The following SLC17A7 variants were observed in gnomAD, a reference collection of about 807,000 sequenced individuals.
SLC17A7 encodes the protein solute carrier family 17 member 7.
A neutral mutation model predicts 59.1 loss-of-function variants in SLC17A7; 15 were observed. The ratio of observed to expected loss-of-function variants is 0.25; its 90% CI spans 0.17 to 0.39. The LOEUF is 0.39. Ranked by LOEUF, SLC17A7 falls within the 10% of genes least tolerant of loss-of-function variation. The pLI is 1.00. For missense variants in SLC17A7, 499 were observed against 765.1 expected, an observed-to-expected ratio of 0.65 and a Z score of 4.10; for synonymous variants, 353 against 308.9, an observed-to-expected ratio of 1.14 and a Z score of -1.50.
At position 49,431,315 on chromosome 19, in the gene SLC17A7, A is replaced by T; in HGVS notation, c.1261+23T>A. 1 of 1,611,864 alleles carries T rather than the reference A, an allele frequency of 6.2e-7. No homozygotes were observed. The highest frequency in any genetic ancestry group is 8.5e-7 in the Non-Finnish European group (1 of 1,178,366). ...CTACAGAGCTGACCAGAGTCCCCCA[A>T]GCTGCGGATCCGCGGTTCTCACCAG... On this transcript the variant is annotated intron_variant, in intron 10 of 11. Transcript: ENST00000221485. This position sits in a 1 kb window ranked among gnomAD's most constrained non-coding sequence, Gnocchi z 4.6.
chr19:49,432,264 C>G (rs3745311), intron 9 of SLC17A7, among the ~76,000 whole-genome samples: 7,010 of 152,314 alleles, frequency 0.046, 430 homozygotes, highest in East Asian at 0.13. Context: ...ACTCGGTCTT[C>G]TCTCTGCTCC....
intron 5 of SLC17A7, 114 bp downstream of exon 5, chr19:49,434,488 C>T: frequency 9.7e-7 from 1 of 1,032,058 alleles, no homozygotes; most frequent in Non-Finnish European, 1.4e-6. Flanking sequence ...TCTCCTCCTC[C>T]TCCCTCAGAC....
intron 3 of SLC17A7, 49 bp from the exon 4 acceptor site, chr19:49,434,931 G>A (rs776469930): frequency 3.2e-6 from 5 of 1,564,904 alleles, no homozygotes; most frequent in East Asian, 4.6e-5. Context: ...AGCCATGCCC[G>A]GGATTCTGCC....
intron 3 of SLC17A7, 97 bp downstream of exon 3, chr19:49,435,071 C>T: frequency 2.8e-6 from 3 of 1,081,578 alleles, no homozygotes; most frequent in South Asian, 2.7e-5. Context: ...CAGGCTTCTC[C>T]CATTTACCAG....
At position 49,429,855 on chromosome 19, in the gene SLC17A7, G is replaced by A. The variant is rs547456803; in HGVS notation, c.*664C>T. The A allele has an allele frequency of 2.5e-5, 8 of 320,548 alleles. No individual in the cohort carries two copies. Among genetic ancestry groups the A allele is most frequent in the African/African-American group, 1.7e-4 (8 of 47,296 alleles). 19.9% of individuals were successfully genotyped at this position (320,548 alleles called of 1,614,324 possible). A position where few individuals can be genotyped will look rare whatever the true frequency, so the allele number is the denominator to read the frequency against. On this transcript the variant is annotated 3_prime_UTR_variant, in exon 12 of 12. Coordinates refer to ENST00000221485, the MANE Select transcript of SLC17A7 (RefSeq NM_020309.4). ...GCATATTGTTAAAATTGCGATTTTG[G>A]TTGTTTCCCCAGACATTATGCTAAG...
At position 49,430,740 on chromosome 19, in the gene SLC17A7, C is replaced by A. The variant is rs779414202; in HGVS notation, c.1462G>T (p.Val488Phe). 1.2e-6 allele frequency: 2 copies of A among 1,614,078 alleles called. No individual in the cohort carries two copies. The highest frequency in any genetic ancestry group is 1.7e-6 in the Non-Finnish European group (2 of 1,179,988). Reference sequence around the variant, plus strand: ...GGCTGCTTCTCTCCAGAAGCAAAGACCCCGTAGAAGATGACACCTCCATAG... The same window carrying A: ...GGCTGCTTCTCTCCAGAAGCAAAGAACCCGTAGAAGATGACACCTCCATAG... ...VHYGGVIFYG[V>F]FASGEKQPWA... The change falls in exon 12 of 12, where the codon GTC (valine) becomes TTC (phenylalanine). Residue 488 changes from valine (V) to phenylalanine (F), a missense_variant. Physicochemically the swap from Val to Phe is conservative, Grantham distance 50. This residue lies in a region of SLC17A7 where 323 missense variants were observed against 607.2 expected (regional missense o/e 0.53). Transcript: ENST00000221485.
chr19:49,433,562 C>T lies in SLC17A7; in HGVS notation c.867+164G>A. The T allele has an allele frequency of 1.1e-6, 1 of 933,420 alleles. No individual in the cohort carries two copies. Among genetic ancestry groups the T allele is most frequent in the Non-Finnish European group, 1.7e-6 (1 of 592,866 alleles). 57.8% of individuals were successfully genotyped at this position (933,420 alleles called of 1,614,324 possible). ...CCCTGCCCCCAGCACCTGAGAATCT[C>T]GTCCTCCGCGGGTTGCAACCCGCCT... On this transcript the variant is annotated intron_variant, in intron 7 of 11. Coordinates refer to ENST00000221485, the MANE Select transcript of SLC17A7 (RefSeq NM_020309.4). The surrounding 1 kb of genome is among the most constrained non-coding windows in gnomAD (Gnocchi z 5.7).
intron 5 of SLC17A7, 121 bp downstream of exon 5, chr19:49,434,481 C>T: frequency 1.1e-6 from 1 of 949,068 alleles, no homozygotes; most frequent in Non-Finnish European, 1.5e-6. Flanking sequence ...TCCAGAGTCT[C>T]CTCCTCCTCC....
intron 3 of SLC17A7, 77 bp from the exon 4 acceptor site, chr19:49,434,959 G>A: frequency 7.0e-6 from 10 of 1,428,726 alleles, no homozygotes; most frequent in Non-Finnish European, 7.9e-6. Flanking sequence ...CCCACAGCAA[G>A]CTAGGCCCAG....
In SLC17A7 at chr19:49,431,087, G is replaced by A; in HGVS notation, c.1317C>T (p.Gly439=). The change falls in exon 11 of 12, where the codon GGC becomes GGT. Residue 439 remains glycine, a synonymous_variant. Coordinates refer to ENST00000221485, the MANE Select transcript of SLC17A7 (RefSeq NM_020309.4). The surrounding 1 kb of genome is among the most constrained non-coding windows in gnomAD (Gnocchi z 4.6). The part of the protein sequence containing the change: ...IAPRYASILM[G]ISNGVGTLSG... Reference sequence around the variant, plus strand: ...ACAGTGTGCCCACGCCGTTGGAGATGCCCATGAGGATGCTGGCGTAGCGCG... The same window carrying A: ...ACAGTGTGCCCACGCCGTTGGAGATACCCATGAGGATGCTGGCGTAGCGCG... 4.3e-6 allele frequency: 7 copies of A among 1,613,996 alleles called. No homozygotes were observed. Among genetic ancestry groups the A allele is most frequent in the Non-Finnish European group, 5.9e-6 (7 of 1,180,032 alleles).
At position 49,432,720 on chromosome 19, in the gene SLC17A7, G is replaced by A. The variant is rs548390425; in HGVS notation, c.1018-69C>T. Reference sequence around the variant, plus strand: ...GGCTCGGCGTCTCTGCCCGGTCCGTGCACCACCGGCTCCTCCCTGCCTCGG... The same window carrying A: ...GGCTCGGCGTCTCTGCCCGGTCCGTACACCACCGGCTCCTCCCTGCCTCGG... On this transcript the variant is annotated intron_variant, in intron 8 of 11. Coordinates refer to ENST00000221485, the MANE Select transcript of SLC17A7 (RefSeq NM_020309.4). 3.7e-5 allele frequency: 60 copies of A among 1,605,336 alleles called. No individual in the cohort carries two copies. In the African/African-American group the frequency reaches 7.5e-4, roughly 20 times the overall value.
chr19:49,431,563 G>A lies in SLC17A7; in HGVS notation c.1151-115C>T. ...CCCCAAACCGCGTCTATCCACCCCAGTCTGGCCACCTCCACGCCCAGGCCT... is the reference window on the plus strand; with the variant it reads ...CCCCAAACCGCGTCTATCCACCCCAATCTGGCCACCTCCACGCCCAGGCCT... On this transcript the variant is annotated intron_variant, in intron 9 of 11. Transcript: ENST00000221485. The surrounding 1 kb of genome is among the most constrained non-coding windows in gnomAD (Gnocchi z 4.6). 1 of 817,274 alleles carries A rather than the reference G, an allele frequency of 1.2e-6. No individual in the cohort carries two copies. The highest frequency in any genetic ancestry group is 1.9e-6 in the Non-Finnish European group (1 of 513,484). 50.6% of individuals were successfully genotyped at this position (817,274 alleles called of 1,614,324 possible).
Position 49,439,148 on chromosome 19 carries a change from T to C in SLC17A7, c.62+2170A>G, listed in dbSNP as rs146652336. ...ACACTTAGGAGGCCATTACCCCAAA[T>C]TGAGATGTCTCAACTTCTCTGTCTC... is the stretch of plus-strand genomic sequence containing the variant. On this transcript the variant is annotated intron_variant, in intron 1 of 11. Transcript: ENST00000221485. Among the ~76,000 whole-genome samples the C allele has an allele frequency of 2.2e-3, 333 of 152,210 alleles. 3 individuals carry two copies. The highest frequency in any genetic ancestry group is 7.4e-3 in the African/African-American group (307 of 41,516).
intron 5 of SLC17A7, 139 bp downstream of exon 5, chr19:49,434,462 GA>G: frequency 1.3e-6 from 1 of 778,472 alleles, no homozygotes; most frequent in Non-Finnish European, 2.0e-6. Context: ...TCAGACCTGG[GA>G]GTCCAGGTCC....
rs1204109029 is a variant in SLC17A7 at position 49,436,515 on chromosome 19, G to T, written c.315+34C>A. The T allele has an allele frequency of 6.2e-7, 1 of 1,601,348 alleles. No homozygotes were observed. Among genetic ancestry groups the T allele is most frequent in the Non-Finnish European group, 8.5e-7 (1 of 1,175,282 alleles). On this transcript the variant is annotated intron_variant, in intron 2 of 11. Coordinates refer to ENST00000221485, the MANE Select transcript of SLC17A7 (RefSeq NM_020309.4). The surrounding 1 kb of genome is among the most constrained non-coding windows in gnomAD (Gnocchi z 4.1). ...GCGTAGGCGGAGCTCGGTGAGCGGG[G>T]CGGGGCTCTGCAAGGGCTCAGGCCT...
chr19:49,433,687 A>T lies in SLC17A7; in HGVS notation c.867+39T>A. 1 of 1,613,696 alleles carries T rather than the reference A, an allele frequency of 6.2e-7. No individual in the cohort carries two copies. Among genetic ancestry groups the T allele is most frequent in the Non-Finnish European group, 8.5e-7 (1 of 1,179,894 alleles). On this transcript the variant is annotated intron_variant, in intron 7 of 11. Coordinates refer to ENST00000221485, the MANE Select transcript of SLC17A7 (RefSeq NM_020309.4). The surrounding 1 kb of genome is among the most constrained non-coding windows in gnomAD (Gnocchi z 5.7). ...ACGCTGTGCAGGTTCGTGGCTTGCT[A>T]TCTCTCCCCGCCCCTTCCCCGAAGA...
Position 49,434,584 on chromosome 19 carries a change from G to A in SLC17A7, c.637+18C>T. 1.3e-6 allele frequency: 2 copies of A among 1,589,884 alleles called. No homozygotes were observed. Among genetic ancestry groups the A allele is most frequent in the Non-Finnish European group, 1.7e-6 (2 of 1,172,276 alleles). The stretch of plus-strand genomic sequence containing the variant: ...CTCCTCCCTCAGATTCAGGAGTGAG[G>A]ATCCCTCTTCCTCTCACCACAAAAG... On this transcript the variant is annotated intron_variant, in intron 5 of 11. Coordinates refer to ENST00000221485, the MANE Select transcript of SLC17A7 (RefSeq NM_020309.4).
intron 1 of SLC17A7, among the ~76,000 whole-genome samples, chr19:49,440,344 C>T (rs2122310063): frequency 6.6e-6 from 1 of 152,318 alleles, no homozygotes; most frequent in Non-Finnish European, 1.5e-5. Flanking sequence ...CTCCTTCGTG[C>T]ACTGTGGCCA....
Position 49,433,677 on chromosome 19 carries a change from G to A in SLC17A7, c.867+49C>T. 2 of 1,613,244 alleles carry A rather than the reference G, an allele frequency of 1.2e-6. No homozygotes were observed. The highest frequency in any genetic ancestry group is 1.7e-6 in the Non-Finnish European group (2 of 1,179,430). ...CCTGATCTACACGCTGTGCAGGTTC[G>A]TGGCTTGCTATCTCTCCCCGCCCCT... On this transcript the variant is annotated intron_variant, in intron 7 of 11. Coordinates refer to ENST00000221485, the MANE Select transcript of SLC17A7 (RefSeq NM_020309.4). This position sits in a 1 kb window ranked among gnomAD's most constrained non-coding sequence, Gnocchi z 5.7.
Sources: gnomAD v4.1 joint callset for allele counts (sites outside exome capture counted in the v4.1 genomes callset) on GRCh38, gnomAD v4.1.1 for gene constraint, gnomAD v4.1.1 regional missense constraint, Gnocchi (gnomAD v3.1) non-coding constraint, MANE v1.5 for transcripts, NCBI Gene and HGNC (gene_info 2026-07-23, HGNC 2026-07-21) for gene names.